Variants in MYO1B observed in about 807,000 individuals in gnomAD.
MYO1B encodes unconventional myosin-Ib.
Under a neutral mutation model 159.7 loss-of-function variants are expected in MYO1B, and 72 were observed. The ratio of observed to expected loss-of-function variants is 0.45; its 90% CI spans 0.37 to 0.55. The LOEUF (loss-of-function observed/expected upper bound fraction) is 0.55, where lower values mean the gene tolerates loss of function less well. Ranked by LOEUF, MYO1B falls within the 20% of genes least tolerant of loss-of-function variation. The pLI is 0.00. For synonymous variants in MYO1B, 468 were observed against 473.8 expected (o/e 0.99, Z 0.16); for missense variants, 1,062 against 1,364.8 (o/e 0.78, Z 3.50).
chr2:191,400,467 A>G lies in MYO1B; in HGVS notation c.2381A>G (p.Gln794Arg). 2.5e-6 allele frequency: 4 copies of G among 1,614,164 alleles called. No homozygotes were observed. The highest frequency in any genetic ancestry group is 3.4e-6 in the Non-Finnish European group (4 of 1,180,024). ...ATTGCTGCATATTGGCATGGGACCCAGGTAGGCCCGAGACCCCAAGGAAGG... is the reference window on the plus strand; with the variant it reads ...ATTGCTGCATATTGGCATGGGACCCGGGTAGGCCCGAGACCCCAAGGAAGG... ...TTIAAYWHGTQARRELRRLKE... is the reference protein window; with the variant it reads ...TTIAAYWHGTRARRELRRLKE... The change falls in exon 22 of 31, where the codon CAG becomes CGG. Residue 794 changes from glutamine (Q) to arginine (R), a missense_variant and splice_region_variant. Coordinates refer to ENST00000392318, the MANE Select transcript of MYO1B (RefSeq NM_001130158.3).
intron 7 of MYO1B, among the ~76,000 whole-genome samples, chr2:191,354,256 AAATAATAATAAT>A (rs71030337): frequency 0.028 from 4,082 of 143,826 alleles, 73 homozygotes; most frequent in Middle Eastern, 0.056. Flanking sequence ...ACTCCGTCTT[AAATAATAATAAT>A]AATAATAATA....
chr2:191,310,112 T>C (rs928601966), intron 3 of MYO1B, among the ~76,000 whole-genome samples: 23 of 152,334 alleles, frequency 1.5e-4, no homozygotes, highest in African/African-American at 5.3e-4. Flanking sequence ...TGCATTTTAA[T>C]GTAACAGTAT....
Position 191,424,433 on chromosome 2 carries a change from G to A in MYO1B, c.*473G>A, listed in dbSNP as rs1016545347. 5 of 153,498 alleles carry A rather than the reference G, an allele frequency of 3.3e-5. No homozygotes were observed. Among genetic ancestry groups the A allele is most frequent in the Admixed American group, 6.5e-5 (1 of 15,448 alleles). 9.5% of individuals were successfully genotyped at this position (153,498 alleles called of 1,614,324 possible). A position where few individuals can be genotyped will look rare whatever the true frequency, so the allele number is the denominator to read the frequency against. The stretch of plus-strand genomic sequence containing the variant: ...TCTGGCTGGTTTGTGCTGGTTTAAC[G>A]ACATCTAAGAAGGTTTAGAAATGGT... On this transcript the variant is annotated 3_prime_UTR_variant, in exon 31 of 31. Coordinates refer to ENST00000392318, the MANE Select transcript of MYO1B (RefSeq NM_001130158.3).
At chr2:191,369,402 T>C (rs1365621656) in intron 11 of MYO1B, 140 bp from the exon 12 acceptor site, 7 of 629,318 alleles carry the variant, frequency 1.1e-5, no homozygotes, top group Non-Finnish European at 1.9e-5. Context: ...TTTGATTGTT[T>C]ATGATACAAG....
intron 4 of MYO1B, among the ~76,000 whole-genome samples, chr2:191,331,744 A>G (rs935019821): frequency 6.6e-6 from 1 of 152,198 alleles, no homozygotes; most frequent in African/African-American, 2.4e-5. Context: ...ATATGCACGT[A>G]CCTATACATC....
intron 2 of MYO1B, among the ~76,000 whole-genome samples, chr2:191,295,493 C>T (rs773000556): frequency 6.6e-6 from 1 of 151,834 alleles, no homozygotes; most frequent in South Asian, 2.1e-4. Context: ...TGGAAAGTAC[C>T]TTTAAATTTG....
chr2:191,407,370 G>A (rs1222484901), intron 24 of MYO1B, among the ~76,000 whole-genome samples: 1 of 152,074 alleles, frequency 6.6e-6, no homozygotes. Context: ...TTTGTATCTG[G>A]ATGGTAATAA....
intron 24 of MYO1B, among the ~76,000 whole-genome samples, chr2:191,404,736 C>T (rs1285458351): frequency 6.6e-6 from 1 of 152,222 alleles, no homozygotes; most frequent in Admixed American, 6.5e-5. Context: ...TATTAAGTAT[C>T]TAATAGCCTT....
At chr2:191,263,992 T>C (rs1367791977) in intron 1 of MYO1B, among the ~76,000 whole-genome samples, 1 of 152,214 alleles carries the variant, frequency 6.6e-6, no homozygotes, top group Non-Finnish European at 1.5e-5. Flanking sequence ...TCTTCATAAA[T>C]ACTTCAGAAT....
chr2:191,262,620 C>G (rs1686890751), intron 1 of MYO1B, among the ~76,000 whole-genome samples: 1 of 151,784 alleles, frequency 6.6e-6, no homozygotes, highest in Non-Finnish European at 1.5e-5. Context: ...CTTCTCTCTC[C>G]CCGCCCACCC....
chr2:191,390,897 C>T (rs910017067), intron 18 of MYO1B, among the ~76,000 whole-genome samples: 2 of 152,206 alleles, frequency 1.3e-5, no homozygotes, highest in African/African-American at 4.8e-5. Flanking sequence ...TATATCTATA[C>T]CAGTTAATCA....
intron 3 of MYO1B, among the ~76,000 whole-genome samples, chr2:191,303,300 A>C (rs1259878024): frequency 6.6e-6 from 1 of 152,036 alleles, no homozygotes; most frequent in African/African-American, 2.4e-5. Flanking sequence ...ACTGGATGTG[A>C]AAGTGCTTTC....
intron 7 of MYO1B, among the ~76,000 whole-genome samples, chr2:191,356,310 A>G (rs1486595963): frequency 6.8e-6 from 1 of 146,408 alleles, no homozygotes; most frequent in Non-Finnish European, 1.5e-5. Flanking sequence ...ACATTGCCTA[A>G]TTTATAATAC....
At chr2:191,326,607 T>C (rs1691084648) in intron 3 of MYO1B, among the ~76,000 whole-genome samples, 1 of 152,204 alleles carries the variant, frequency 6.6e-6, no homozygotes, top group Non-Finnish European at 1.5e-5. Context: ...ATTAAAATTA[T>C]ACTCTCTGTT....
At chr2:191,397,558 A>G (rs1696196774) in intron 21 of MYO1B, among the ~76,000 whole-genome samples, 2 of 151,600 alleles carry the variant, frequency 1.3e-5, no homozygotes, top group Non-Finnish European at 2.9e-5. Flanking sequence ...TTTTCTTAGT[A>G]CAGAACAAAA....
chr2:191,247,092 C>G (rs952430003), intron 1 of MYO1B, among the ~76,000 whole-genome samples: 1 of 152,146 alleles, frequency 6.6e-6, no homozygotes, highest in African/African-American at 2.4e-5. Flanking sequence ...CCAAGCAAAA[C>G]TGTTTTGGGA....
chr2:191,252,606 T>C (rs1050554112), intron 1 of MYO1B, among the ~76,000 whole-genome samples: 1 of 152,222 alleles, frequency 6.6e-6, no homozygotes, highest in African/African-American at 2.4e-5. Flanking sequence ...TATTGAAAAG[T>C]GTCTTAAAGG....
chr2:191,385,740 AT>A (rs1174940505), intron 15 of MYO1B, 143 bp from the exon 16 acceptor site: 16 of 841,132 alleles, frequency 1.9e-5, no homozygotes, highest in African/African-American at 6.8e-5. Context: ...GGCTTTTGTT[AT>A]TGTTTTGAGT....
At chr2:191,257,324 GC>G (rs1229740886) in intron 1 of MYO1B, among the ~76,000 whole-genome samples, 1 of 152,054 alleles carries the variant, frequency 6.6e-6, no homozygotes. Context: ...AGATTGGGTG[GC>G]TGCAAGGAAG....
Sources: allele counts gnomAD v4.1 joint callset (sites outside exome capture counted in the v4.1 genomes callset), GRCh38; gene constraint gnomAD v4.1.1; transcripts MANE v1.5; gene names NCBI Gene and HGNC (gene_info 2026-07-23, HGNC 2026-07-21).